TMTC4: variants seen among roughly 807,000 people sequenced by gnomAD.
TMTC4 encodes transmembrane O-mannosyltransferase targeting cadherins 4, also known as protein O-mannosyl-transferase TMTC4.
A neutral mutation model predicts 86.0 loss-of-function variants in TMTC4; 65 were observed. The ratio of observed to expected loss-of-function variants is 0.76; its 90% CI spans 0.62 to 0.93. The LOEUF (loss-of-function observed/expected upper bound fraction) is 0.93, where lower values mean the gene tolerates loss of function less well. Among genes scored for constraint, TMTC4 ranks in the 40% least tolerant of loss-of-function variants. The probability of loss-of-function intolerance (pLI) is 0.00; values close to 1 mark genes in which losing one functional copy is unlikely to be tolerated. For synonymous variants in TMTC4, 379 were observed against 382.5 expected, an observed-to-expected ratio of 0.99 and a Z score of 0.11; for missense variants, 866 against 948.1, an observed-to-expected ratio of 0.91 and a Z score of 1.14.
chr13:100,626,469 A>G (rs757600589), intron 12 of TMTC4, among the ~76,000 whole-genome samples: 1 of 152,180 alleles, frequency 6.6e-6, no homozygotes, highest in African/African-American at 2.4e-5. Flanking sequence ...TGATTTTTAG[A>G]GATGGGGTCT....
Position 100,668,625 on chromosome 13 carries a change from T to C in TMTC4, c.173A>G (p.Asp58Gly), listed in dbSNP as rs747348152. The change falls in exon 3 of 19, where the codon GAT (aspartate) becomes GGT (glycine). Residue 58 changes from aspartate (D) to glycine (G), a missense_variant. Transcript: ENST00000342624. ...VAIVCFARSY[D>G]GDFVFDDSEA... ...TGAGTCATCAAAGACAAAGTCTCCA[T>C]CATAGCTGCGTGCAAAACACACAAT... is the stretch of plus-strand genomic sequence containing the variant. 7 of 1,614,074 alleles carry C rather than the reference T, an allele frequency of 4.3e-6. No homozygotes were observed. The East Asian group carries it at 1.3e-4, about 31-fold the overall frequency.
Position 100,605,066 on chromosome 13 carries a change from C to T in TMTC4, c.2211G>A (p.Thr737=), listed in dbSNP as rs755247014. The T allele has an allele frequency of 1.1e-5, 18 of 1,613,882 alleles. No homozygotes were observed. The highest frequency in any genetic ancestry group is 3.3e-4 in the Middle Eastern group (2 of 6,082). The stretch of plus-strand genomic sequence containing the variant: ...CGTAATTCTCCTTAGTTCCTGATGC[C>T]GTGGGGTCAAGCTGCAAGGAGATTT... ...HYEISLQLDP[T]ASGTKENYGL... Residue 737 remains threonine, a synonymous_variant, in exon 19 of 19, where the codon ACG becomes ACA. Transcript: ENST00000342624. The surrounding 1 kb of genome is among the most constrained non-coding windows in gnomAD (Gnocchi z 4.3).
chr13:100,614,743 A>T (rs1878205238), intron 15 of TMTC4, among the ~76,000 whole-genome samples: 2 of 152,204 alleles, frequency 1.3e-5, no homozygotes. Context: ...CGAACCTGTA[A>T]TGTCCTATTT....
chr13:100,662,895 AC>A (rs1885947571), intron 5 of TMTC4, 68 bp downstream of exon 5: 1 of 1,564,034 alleles, frequency 6.4e-7, no homozygotes, highest in Non-Finnish European at 8.7e-7. Flanking sequence ...GTTTTAGGAA[AC>A]CAGGCGACAT....
chr13:100,672,592 G>T (rs567649841), intron 1 of TMTC4, among the ~76,000 whole-genome samples: 56 of 152,298 alleles, frequency 3.7e-4, no homozygotes, highest in Middle Eastern at 3.4e-3. Flanking sequence ...CTGGGCTCAA[G>T]GGACCCTTCC....
chr13:100,615,699 C>A (rs1351765633), intron 15 of TMTC4, among the ~76,000 whole-genome samples: 1 of 149,690 alleles, frequency 6.7e-6, no homozygotes, highest in Non-Finnish European at 1.5e-5. Flanking sequence ...CTGATCCGCC[C>A]ACCTTGGCAT....
intron 2 of TMTC4, 53 bp downstream of exon 2, chr13:100,670,307 A>G: frequency 6.3e-7 from 1 of 1,591,186 alleles, no homozygotes; most frequent in South Asian, 1.1e-5. Flanking sequence ...ATCTTTCTAT[A>G]GCCTTCTGTC....
intron 5 of TMTC4, among the ~76,000 whole-genome samples, chr13:100,657,692 G>A (rs1885274133): frequency 6.6e-6 from 1 of 152,110 alleles, no homozygotes; most frequent in Admixed American, 6.5e-5. Flanking sequence ...CAAAGGATGG[G>A]GATGTGATAT....
At chr13:100,610,781 T>C (rs1157887473) in intron 17 of TMTC4, among the ~76,000 whole-genome samples, 2 of 152,200 alleles carry the variant, frequency 1.3e-5, no homozygotes, top group Non-Finnish European at 2.9e-5. Context: ...ACAACGATTA[T>C]ATAAGCCAAG....
intron 15 of TMTC4, among the ~76,000 whole-genome samples, chr13:100,620,252 C>T (rs1175435822): frequency 6.6e-6 from 1 of 152,180 alleles, no homozygotes; most frequent in Non-Finnish European, 1.5e-5. Flanking sequence ...TGTCAACAGG[C>T]ACTGGATGGT....
At chr13:100,648,872 AGAAAGGGGGTCTCACTATATT>A (rs1337029805) in intron 6 of TMTC4, among the ~76,000 whole-genome samples, 4 of 152,044 alleles carry the variant, frequency 2.6e-5, no homozygotes, top group African/African-American at 9.7e-5. Context: ...ATTTTTGTCG[AGAAAGGGGGTCTCACTATATT>A]GCCCAAGCTG....
At chr13:100,608,321 G>A (rs1238691956) in intron 17 of TMTC4, among the ~76,000 whole-genome samples, 1 of 152,184 alleles carries the variant, frequency 6.6e-6, no homozygotes, top group Non-Finnish European at 1.5e-5. Flanking sequence ...GTCAGCAAGG[G>A]CTGGACCCAA....
At chr13:100,645,890 A>G (rs1318776839) in intron 6 of TMTC4, among the ~76,000 whole-genome samples, 3 of 151,932 alleles carry the variant, frequency 2.0e-5, no homozygotes, top group Non-Finnish European at 4.4e-5. Flanking sequence ...CTCAGCTTCT[A>G]CTCATCAGAG....
chr13:100,623,501 G>A (rs773294905), intron 15 of TMTC4, among the ~76,000 whole-genome samples: 13 of 152,184 alleles, frequency 8.5e-5, no homozygotes, highest in Non-Finnish European at 1.5e-4. Flanking sequence ...CCAAAGTGCC[G>A]GGATTACAGG....
chr13:100,650,207 G>A (rs1331480537), intron 6 of TMTC4, among the ~76,000 whole-genome samples: 1 of 152,224 alleles, frequency 6.6e-6, no homozygotes, highest in Non-Finnish European at 1.5e-5. Flanking sequence ...GAATTGACCA[G>A]AGACATGCCT....
chr13:100,665,146 T>C (rs1276264746), intron 3 of TMTC4, among the ~76,000 whole-genome samples: 2 of 152,218 alleles, frequency 1.3e-5, no homozygotes, highest in African/African-American at 2.4e-5. Flanking sequence ...ACTGCTGAGA[T>C]AATTTGGTAC....
Position 100,670,464 on chromosome 13 carries a change from C to G in TMTC4, c.-102G>C. ...CTCTTCCACTGCTTGTCTCTCGAGC[C>G]TCACAGCCTGGCATACGGCATGCTC... On this transcript the variant is annotated 5_prime_UTR_variant, in exon 2 of 19. Coordinates refer to ENST00000342624, the MANE Select transcript of TMTC4 (RefSeq NM_032813.5). The G allele has an allele frequency of 7.6e-7, 1 of 1,323,360 alleles. No homozygotes were observed. The highest frequency in any genetic ancestry group is 1.0e-6 in the Non-Finnish European group (1 of 962,780). The allele number at this position is 1,323,360 out of a possible 1,614,324, so 82.0% of individuals were successfully genotyped here. A position where few individuals can be genotyped will look rare whatever the true frequency, so the allele number is the denominator to read the frequency against.
At chr13:100,638,749 A>T (rs960255931) in intron 7 of TMTC4, 5 of 152,216 alleles carry the variant, frequency 3.3e-5, no homozygotes, top group Non-Finnish European at 4.4e-5. Context: ...AGCTGGCTGG[A>T]ATGGAGATGG....
chr13:100,663,220 C>G, intron 4 of TMTC4, 40 bp from the exon 5 acceptor site: 1 of 1,592,228 alleles, frequency 6.3e-7, no homozygotes, highest in Non-Finnish European at 8.6e-7. Context: ...CGCGCAGCGG[C>G]ATGCGGCAAG....
Sources: allele counts gnomAD v4.1 joint callset (sites outside exome capture counted in the v4.1 genomes callset), GRCh38; gene constraint gnomAD v4.1.1; non-coding constraint Gnocchi (gnomAD v3.1); transcripts MANE v1.5; gene names NCBI Gene and HGNC (gene_info 2026-07-23, HGNC 2026-07-21).